The following CEP83 variants were observed in gnomAD, a reference collection of about 807,000 sequenced individuals.
CEP83 encodes the protein centrosomal protein of 83 kDa.
CEP83 carries 70 observed loss-of-function variants against 101.9 expected under a neutral mutation model. The ratio of observed to expected loss-of-function variants is 0.69; its 90% CI spans 0.57 to 0.84. The LOEUF (loss-of-function observed/expected upper bound fraction) is 0.84. Ranked by LOEUF, CEP83 falls within the 40% of genes least tolerant of loss-of-function variation. The pLI is 0.00. For synonymous variants in CEP83, 264 were observed against 267.9 expected (o/e 0.99, Z 0.14); for missense variants, 715 against 787.2 (o/e 0.91, Z 1.10).
chr12:94,412,319 T>C lies in CEP83; in HGVS notation c.172A>G (p.Arg58Gly). 2.5e-6 allele frequency: 4 copies of C among 1,594,590 alleles called. No individual in the cohort carries two copies. Among genetic ancestry groups the C allele is most frequent in the Non-Finnish European group, 3.4e-6 (4 of 1,173,194 alleles). ...CACTTCTAGATTTAAGTAATTTACC[T>C]TGTGTGTTCAGCCTTCAGTGTCTGA... is the stretch of plus-strand genomic sequence containing the variant. ...NYQTLKAEHT[R>G]LQNEHVKLQN... Residue 58 changes from arginine (R) to glycine (G), a missense_variant and splice_region_variant, in exon 3 of 17, where the codon AGG becomes GGG. Transcript: ENST00000397809.
the CEP83 span, among the ~76,000 whole-genome samples, chr12:94,265,857 C>T: frequency 1.3e-5 from 2 of 152,134 alleles, no homozygotes; most frequent in African/African-American, 4.8e-5. Flanking sequence ...CGCACCCACC[C>T]CATGCTCTTC....
intron 6 of CEP83, among the ~76,000 whole-genome samples, chr12:94,397,819 C>T (rs1473739772): frequency 1.3e-5 from 2 of 152,310 alleles, no homozygotes; most frequent in East Asian, 3.9e-4. Context: ...CAAATTTTTA[C>T]ATGCAATTCC....
the CEP83 span, chr12:94,277,781 A>G: frequency 5.5e-6 from 2 of 364,638 alleles, no homozygotes; most frequent in Non-Finnish European, 1.1e-5. Context: ...TTTATTGCCG[A>G]TACTATCATC....
downstream of CEP83, chr12:94,303,900 T>C: frequency 6.2e-7 from 1 of 1,608,316 alleles, no homozygotes; most frequent in East Asian, 2.2e-5. Context: ...ATCTAAGGTA[T>C]CATTAGAAAG....
chr12:94,331,757 TTC>T lies in CEP83; in HGVS notation c.1648_1649del (p.Glu550ArgfsTer7). On this transcript the variant is annotated frameshift_variant, in exon 14 of 17. Transcript: ENST00000397809. LOFTEE classifies it high-confidence loss of function. Reference protein sequence around the residue: ...HKLHERITDREEKYNQAKEKL... With the variant: ...HKLHERITDRXEKYNQAKEKL... The stretch of plus-strand genomic sequence containing the variant: ...TCTCCTTAGCTTGATTGTACTTTTC[TTC>T]TCTGTCTGTGATACGCTCATGAAGC... The T allele has an allele frequency of 1.2e-6, 2 of 1,614,064 alleles. No individual in the cohort carries two copies. Among genetic ancestry groups the T allele is most frequent in the Non-Finnish European group, 1.7e-6 (2 of 1,179,894 alleles).
chr12:94,335,481 T>C, intron 12 of CEP83, 108 bp downstream of exon 12: 1 of 679,346 alleles, frequency 1.5e-6, no homozygotes, highest in South Asian at 1.8e-5. Context: ...TTACCAATTG[T>C]GGTTAGATTC....
At chr12:94,271,861 G>A in the CEP83 span, among the ~76,000 whole-genome samples, 44 of 152,188 alleles carry the variant, frequency 2.9e-4, no homozygotes, top group Non-Finnish European at 4.9e-4. Flanking sequence ...GATGTGGGAT[G>A]TGGGGGAGTT....
the CEP83 span, among the ~76,000 whole-genome samples, chr12:94,292,526 A>G: frequency 6.6e-6 from 1 of 152,240 alleles, no homozygotes; most frequent in African/African-American, 2.4e-5. Context: ...AAAAAATGTC[A>G]CAGGTTGAAT....
downstream of CEP83, among the ~76,000 whole-genome samples, chr12:94,301,603 G>A (rs1032555665): frequency 2.0e-5 from 3 of 152,282 alleles, no homozygotes; most frequent in African/African-American, 4.8e-5. Flanking sequence ...CGAAAGAGAT[G>A]TTTTGGTCTT....
At chr12:94,425,227 CA>C (rs1428210845) in intron 2 of CEP83, among the ~76,000 whole-genome samples, 2 of 152,136 alleles carry the variant, frequency 1.3e-5, no homozygotes, top group African/African-American at 4.8e-5. Flanking sequence ...ATAACCTGAG[CA>C]TGCTCAGATG....
chr12:94,372,668 C>T (rs2061357199), intron 8 of CEP83, among the ~76,000 whole-genome samples: 1 of 152,100 alleles, frequency 6.6e-6, no homozygotes, highest in Non-Finnish European at 1.5e-5. Context: ...TTCATTTCAC[C>T]CTGAAATTTA....
intron 1 of CEP83, among the ~76,000 whole-genome samples, chr12:94,454,799 C>T (rs944156766): frequency 2.6e-5 from 4 of 151,912 alleles, no homozygotes; most frequent in Non-Finnish European, 5.9e-5. Flanking sequence ...ATGCCGGACG[C>T]GCCACCTTTA....
intron 6 of CEP83, among the ~76,000 whole-genome samples, chr12:94,392,389 A>G (rs1351627866): frequency 6.6e-6 from 1 of 152,212 alleles, no homozygotes; most frequent in South Asian, 2.1e-4. Context: ...CTGAATGACT[A>G]CTGGGTAAAT....
the CEP83 span, among the ~76,000 whole-genome samples, chr12:94,287,315 G>C: frequency 4.6e-5 from 7 of 152,208 alleles, no homozygotes; most frequent in Non-Finnish European, 1.0e-4. Context: ...CTATGAAGGG[G>C]ACTGTGCTTT....
chr12:94,312,861 T>C, intron 15 of CEP83, 53 bp downstream of exon 15: 1 of 1,267,718 alleles, frequency 7.9e-7, no homozygotes. Flanking sequence ...AGAGACAAAG[T>C]TCTATGACAT....
the CEP83 span, among the ~76,000 whole-genome samples, chr12:94,267,872 C>A: frequency 6.6e-6 from 1 of 152,168 alleles, no homozygotes; most frequent in African/African-American, 2.4e-5. Flanking sequence ...CCCCCACCTA[C>A]CCCTCCCAAG....
the CEP83 span, among the ~76,000 whole-genome samples, chr12:94,272,739 T>G: frequency 6.6e-6 from 1 of 152,246 alleles, no homozygotes; most frequent in Non-Finnish European, 1.5e-5. Context: ...CAGCAGAGGC[T>G]GGGAAATGTC....
intron 6 of CEP83, among the ~76,000 whole-genome samples, chr12:94,395,026 G>C (rs866224718): frequency 6.6e-6 from 1 of 152,202 alleles, no homozygotes; most frequent in Non-Finnish European, 1.5e-5. Context: ...GTTGGTGGGA[G>C]TGTAAATTAG....
the CEP83 span, among the ~76,000 whole-genome samples, chr12:94,288,278 C>T: frequency 2.6e-5 from 4 of 152,116 alleles, no homozygotes; most frequent in Admixed American, 6.5e-5. Context: ...GCCAGCAGTC[C>T]GTGAAGATGA....
Sources: allele counts gnomAD v4.1 joint callset (sites outside exome capture counted in the v4.1 genomes callset), GRCh38; gene constraint gnomAD v4.1.1; transcripts MANE v1.5; gene names NCBI Gene and HGNC (gene_info 2026-07-23, HGNC 2026-07-21).